RYR3: variants seen among roughly 807,000 people sequenced by gnomAD.
The protein encoded by RYR3 is ryanodine receptor 3.
In RYR3, 207 loss-of-function variants were observed where a neutral mutation model predicts 584.3. The observed-to-expected ratio is 0.35, with a 90% CI of 0.32 to 0.40. The LOEUF (loss-of-function observed/expected upper bound fraction) is 0.40. Among genes scored for constraint, RYR3 ranks in the 10% least tolerant of loss-of-function variants. RYR3 has a pLI of 1.00. For missense variants in RYR3, 5,616 were observed against 6,089.2 expected (o/e 0.92, Z 2.59); for synonymous variants, 2,416 against 2,248.5 (o/e 1.07, Z -2.11).
chr15:33,862,028 C>G (rs963034770), intron 102 of RYR3, among the ~76,000 whole-genome samples: 3 of 152,174 alleles, frequency 2.0e-5, no homozygotes, highest in Admixed American at 6.5e-5. Context: ...TAACAAGTTA[C>G]TTGAACCTAT....
chr15:33,861,880 C>T (rs1042126721), intron 102 of RYR3, among the ~76,000 whole-genome samples: 5 of 152,168 alleles, frequency 3.3e-5, no homozygotes, highest in Admixed American at 6.5e-5. Context: ...CTGCCTCGGC[C>T]TCTCAGTGCT....
intron 57 of RYR3, among the ~76,000 whole-genome samples, chr15:33,750,835 C>T (rs2071217112): frequency 1.3e-5 from 2 of 152,176 alleles, no homozygotes; most frequent in Admixed American, 6.5e-5. Context: ...AACCTGTCAT[C>T]TACATTTGGT....
At chr15:33,707,768 G>C (rs773856644) in intron 43 of RYR3, among the ~76,000 whole-genome samples, 1 of 152,122 alleles carries the variant, frequency 6.6e-6, no homozygotes, top group African/African-American at 2.4e-5. Flanking sequence ...GCACTAAGCA[G>C]GTTAGGTGAT....
intron 1 of RYR3, among the ~76,000 whole-genome samples, chr15:33,352,469 T>A (rs1340972346): frequency 1.3e-5 from 2 of 152,148 alleles, no homozygotes; most frequent in African/African-American, 4.8e-5. Flanking sequence ...TGGTCTAGAT[T>A]CCCACTGCTG....
rs749732234 is a variant in RYR3, at chr15:33,586,105, C to T, written c.1777C>T (p.Arg593Trp). ...SIISLLDKHG[R>W]NHKVLDILCS... ...CATCTCCCTGTTGGATAAGCACGGG[C>T]GGAATCACAAGGTAGGTGTGGAAAG... Residue 593 changes from arginine to tryptophan, a missense_variant, in exon 16 of 104, where the codon CGG (arginine) becomes TGG (tryptophan). Arg to Trp is a moderately radical substitution (Grantham distance 101). This residue lies in a region of RYR3 where 1,284 missense variants were observed against 1,344.6 expected (regional missense o/e 0.95). Transcript: ENST00000634891. 1.2e-5 allele frequency: 20 copies of T among 1,601,324 alleles called. No individual in the cohort carries two copies. Among genetic ancestry groups the T allele is most frequent in the Non-Finnish European group, 1.2e-5 (14 of 1,168,500 alleles).
chr15:33,562,769 G>T, intron 10 of RYR3, 68 bp from the exon 11 acceptor site: 1 of 1,205,532 alleles, frequency 8.3e-7, no homozygotes, highest in Non-Finnish European at 1.2e-6. Context: ...TAGGTGATTC[G>T]TTTTGTATAT....
At chr15:33,850,642 A>T (rs2079039198) in intron 94 of RYR3, 1 of 152,000 alleles carries the variant, frequency 6.6e-6, no homozygotes, top group Non-Finnish European at 1.5e-5. Context: ...ACTGTATGTC[A>T]TGGGAGCTTT....
At chr15:33,689,317 C>A (rs1232523992) in intron 38 of RYR3, among the ~76,000 whole-genome samples, 1 of 151,754 alleles carries the variant, frequency 6.6e-6, no homozygotes, top group Non-Finnish European at 1.5e-5. Context: ...ACATGTATAC[C>A]TATGTATCAA....
chr15:33,429,258 G>A (rs189767626), intron 1 of RYR3, among the ~76,000 whole-genome samples: 1 of 152,250 alleles, frequency 6.6e-6, no homozygotes, highest in East Asian at 1.9e-4. Context: ...TGAGCTGGTA[G>A]GGAAATTTGG....
chr15:33,327,139 T>A (rs1321850099), intron 1 of RYR3, among the ~76,000 whole-genome samples: 1 of 152,328 alleles, frequency 6.6e-6, no homozygotes, highest in East Asian at 1.9e-4. Context: ...ATGATTCACC[T>A]TCTCAGGCCA....
At chr15:33,625,158 G>A (rs1037067233) in intron 20 of RYR3, among the ~76,000 whole-genome samples, 1 of 152,160 alleles carries the variant, frequency 6.6e-6, no homozygotes, top group Admixed American at 6.5e-5. Context: ...TCATAAGGCA[G>A]CAGGAGAGAG....
chr15:33,483,406 TA>T (rs1367686130), intron 2 of RYR3, among the ~76,000 whole-genome samples: 1 of 152,204 alleles, frequency 6.6e-6, no homozygotes, highest in Non-Finnish European at 1.5e-5. Flanking sequence ...TGATATTTTA[TA>T]GTTATTCTGG....
chr15:33,365,139 C>G (rs1975309248), intron 1 of RYR3, among the ~76,000 whole-genome samples: 1 of 152,160 alleles, frequency 6.6e-6, no homozygotes, highest in Admixed American at 6.5e-5. Flanking sequence ...ACACTAAGAG[C>G]TATTTTAGTT....
At chr15:33,852,817 C>A in intron 94 of RYR3, 1 of 446,714 alleles carries the variant, frequency 2.2e-6, no homozygotes, top group South Asian at 2.9e-5. Flanking sequence ...GCAGAAACTG[C>A]CCAGTGGCCT....
intron 1 of RYR3, among the ~76,000 whole-genome samples, chr15:33,431,915 C>T (rs559221114): frequency 1.5e-4 from 23 of 152,204 alleles, no homozygotes; most frequent in African/African-American, 5.3e-4. Context: ...TTTGTGGGGC[C>T]AGGAGACGTT....
intron 10 of RYR3, among the ~76,000 whole-genome samples, chr15:33,553,287 A>C (rs2056821271): frequency 6.6e-6 from 1 of 152,166 alleles, no homozygotes; most frequent in Admixed American, 6.5e-5. Context: ...GCCGTGAGTC[A>C]TTTGGTAATG....
At chr15:33,682,739 C>T (rs182644565) in intron 38 of RYR3, among the ~76,000 whole-genome samples, 12 of 152,200 alleles carry the variant, frequency 7.9e-5, no homozygotes, top group African/African-American at 2.4e-4. Flanking sequence ...TCCCATGAAC[C>T]GAACCATCGA....
chr15:33,853,381 T>G lies in RYR3; in HGVS notation c.13672-174T>G, dbSNP rs1053150932. On this transcript the variant is annotated intron_variant, in intron 95 of 103. Coordinates refer to ENST00000634891, the MANE Select transcript of RYR3 (RefSeq NM_001036.6). ...AGCTTAAAAAACAGTTATCATTTAA[T>G]TGTCTTCATTGCTTTTTTCTCTGGG... 2.0e-5 allele frequency among the ~76,000 whole-genome samples: 3 copies of G among 152,250 alleles called. No individual in the cohort carries two copies. In the South Asian group the frequency reaches 6.2e-4, roughly 32 times the overall value.
rs750673460 is a variant in RYR3, at chr15:33,773,632, G to A, written c.9137+17G>A. ...TGTTGAAAGGTAATTAGTGAACGAA[G>A]AGGCTAACACTTTCAGGCATAGTAA... is the stretch of plus-strand genomic sequence containing the variant. On this transcript the variant is annotated intron_variant, in intron 64 of 103. Transcript: ENST00000634891. 10 of 1,507,430 alleles carry A rather than the reference G, an allele frequency of 6.6e-6. No homozygotes were observed. In the African/African-American group the frequency reaches 1.4e-4, roughly 21 times the overall value. 93.4% of individuals were successfully genotyped at this position (1,507,430 alleles called of 1,614,324 possible).
Sources: allele counts gnomAD v4.1 joint callset (sites outside exome capture counted in the v4.1 genomes callset), GRCh38; gene constraint gnomAD v4.1.1; regional missense constraint gnomAD v4.1.1; transcripts MANE v1.5; gene names NCBI Gene and HGNC (gene_info 2026-07-23, HGNC 2026-07-21).